The following DPP10 variants were observed in gnomAD, a reference collection of about 807,000 sequenced individuals.
The protein encoded by DPP10 is dipeptidyl peptidase like 10, also known as inactive dipeptidyl peptidase 10.
Under a neutral mutation model 120.9 loss-of-function variants are expected in DPP10, and 33 were observed. That is an observed-to-expected ratio of 0.27 (90% CI 0.21 to 0.37). The LOEUF is 0.37. Among genes scored for constraint, DPP10 ranks in the 10% least tolerant of loss-of-function variants. The probability of loss-of-function intolerance (pLI) is 1.00; values close to 1 mark genes in which losing one functional copy is unlikely to be tolerated. For missense variants in DPP10, 816 were observed against 942.8 expected (o/e 0.87, Z 1.76); for synonymous variants, 337 against 326.1 (o/e 1.03, Z -0.36).
At chr2:115,174,501 CAG>C (rs1300007952) in intron 1 of DPP10, among the ~76,000 whole-genome samples, 2 of 152,082 alleles carry the variant, frequency 1.3e-5, no homozygotes, top group African/African-American at 2.4e-5. Context: ...TGATAGCAGA[CAG>C]AAATTTTTGG....
chr2:114,567,550 A>G (rs190996230), intron 1 of DPP10, among the ~76,000 whole-genome samples: 174 of 152,326 alleles, frequency 1.1e-3, no homozygotes, highest in African/African-American at 3.8e-3. Flanking sequence ...TGGAAAAGGT[A>G]AGGAAACAGA....
At chr2:115,288,663 A>T (rs922201715) in intron 1 of DPP10, among the ~76,000 whole-genome samples, 3 of 152,128 alleles carry the variant, frequency 2.0e-5, no homozygotes, top group Non-Finnish European at 2.9e-5. Context: ...ACGAGGTTGC[A>T]GTGAGCTGAG....
chr2:115,809,405 G>A (rs1686375918), intron 19 of DPP10, among the ~76,000 whole-genome samples: 1 of 152,128 alleles, frequency 6.6e-6, no homozygotes, highest in Non-Finnish European at 1.5e-5. Flanking sequence ...GCTATCCTAT[G>A]TTAATCTCAT....
chr2:114,497,536 AAACT>A (rs1248707043), intron 1 of DPP10, among the ~76,000 whole-genome samples: 1 of 151,602 alleles, frequency 6.6e-6, no homozygotes, highest in East Asian at 1.9e-4. Flanking sequence ...AAAAAACCAA[AAACT>A]AACATCACTC....
intron 1 of DPP10, among the ~76,000 whole-genome samples, chr2:114,567,095 C>A (rs1320380276): frequency 6.6e-6 from 1 of 152,178 alleles, no homozygotes; most frequent in African/African-American, 2.4e-5. Context: ...CAACAGCTGG[C>A]TCCAGACAGT....
chr2:115,171,336 G>C (rs1203281373), intron 1 of DPP10, among the ~76,000 whole-genome samples: 1 of 146,642 alleles, frequency 6.8e-6, no homozygotes, highest in East Asian at 2.0e-4. Context: ...ACTCCAGTCT[G>C]GGTGGCAGAG....
chr2:115,012,512 C>G (rs925882954), intron 1 of DPP10, among the ~76,000 whole-genome samples: 1 of 152,200 alleles, frequency 6.6e-6, no homozygotes, highest in African/African-American at 2.4e-5. Flanking sequence ...TCACAGGGCT[C>G]TTTGCAGACA....
chr2:114,967,545 G>A (rs758479293), intron 1 of DPP10, among the ~76,000 whole-genome samples: 1 of 152,164 alleles, frequency 6.6e-6, no homozygotes, highest in Non-Finnish European at 1.5e-5. Context: ...GACAAGGCAG[G>A]GAAAGTATAT....
intron 5 of DPP10, among the ~76,000 whole-genome samples, chr2:115,631,366 G>A (rs1456059249): frequency 6.6e-6 from 1 of 151,758 alleles, no homozygotes; most frequent in Non-Finnish European, 1.5e-5. Flanking sequence ...AAAACAAACT[G>A]GATTCATTGA....
chr2:115,244,619 T>C (rs2058447176), intron 1 of DPP10, among the ~76,000 whole-genome samples: 1 of 151,920 alleles, frequency 6.6e-6, no homozygotes, highest in Non-Finnish European at 1.5e-5. Flanking sequence ...AAGAGATAAA[T>C]AGAAAATCTT....
At chr2:115,549,464 G>GCCTATTCTCATTTTAT in intron 5 of DPP10, among the ~76,000 whole-genome samples, 1 of 152,070 alleles carries the variant, frequency 6.6e-6, no homozygotes, top group African/African-American at 2.4e-5. Flanking sequence ...TATCATTCAT[G>GCCTATTCTCATTTTAT]CATTCTTTCC....
intron 17 of DPP10, among the ~76,000 whole-genome samples, chr2:115,790,315 A>G (rs1683823444): frequency 6.6e-6 from 1 of 151,288 alleles, no homozygotes; most frequent in Non-Finnish European, 1.5e-5. Flanking sequence ...TCCTGACCTC[A>G]TGATCCACCC....
At chr2:115,516,008 A>T (rs2077486817) in intron 4 of DPP10, among the ~76,000 whole-genome samples, 1 of 152,122 alleles carries the variant, frequency 6.6e-6, no homozygotes, top group South Asian at 2.1e-4. Context: ...CACACTTCAC[A>T]AAAAAATTGA....
At chr2:114,874,270 G>T (rs1030400636) in intron 1 of DPP10, among the ~76,000 whole-genome samples, 12 of 152,168 alleles carry the variant, frequency 7.9e-5, no homozygotes, top group Admixed American at 7.2e-4. Flanking sequence ...GACTTTGTCT[G>T]TGCTAGAAGA....
chr2:114,587,775 C>T (rs934963497), intron 1 of DPP10, among the ~76,000 whole-genome samples: 1 of 152,166 alleles, frequency 6.6e-6, no homozygotes, highest in Non-Finnish European at 1.5e-5. Context: ...ATTTTTGATT[C>T]TACCTAAAGT....
chr2:114,796,785 C>T (rs1484304343), intron 1 of DPP10, among the ~76,000 whole-genome samples: 2 of 152,174 alleles, frequency 1.3e-5, no homozygotes, highest in East Asian at 1.9e-4. Flanking sequence ...TCTCTTGTGA[C>T]TATTTCTAAC....
chr2:115,412,665 T>C (rs2069047370), intron 3 of DPP10, among the ~76,000 whole-genome samples: 1 of 152,204 alleles, frequency 6.6e-6, no homozygotes, highest in East Asian at 1.9e-4. Context: ...AGGACTAAGT[T>C]ATTTCTGATC....
chr2:114,911,346 A>G (rs1694354230), intron 1 of DPP10, among the ~76,000 whole-genome samples: 1 of 152,152 alleles, frequency 6.6e-6, no homozygotes, highest in Non-Finnish European at 1.5e-5. Flanking sequence ...CATCTATTCT[A>G]TTCTTCCATA....
At chr2:114,994,647 C>A (rs780093944) in intron 1 of DPP10, among the ~76,000 whole-genome samples, 31 of 152,204 alleles carry the variant, frequency 2.0e-4, no homozygotes, top group South Asian at 4.1e-4. Context: ...ACTTGACATA[C>A]TGTCATGTGC....
Sources: gnomAD v4.1 joint callset for allele counts (sites outside exome capture counted in the v4.1 genomes callset) on GRCh38, gnomAD v4.1.1 for gene constraint, MANE v1.5 for transcripts, NCBI Gene and HGNC (gene_info 2026-07-23, HGNC 2026-07-21) for gene names.